RBFOX1: variants seen among roughly 807,000 people sequenced by gnomAD.
RBFOX1 encodes RNA binding protein fox-1 homolog 1.
RBFOX1 carries 8 observed loss-of-function variants against 57.7 expected under a neutral mutation model. That is an observed-to-expected ratio of 0.14 (90% confidence interval 0.08 to 0.25). The LOEUF is 0.25. Among genes scored for constraint, RBFOX1 ranks in the 10% least tolerant of loss-of-function variants. The pLI is 1.00. For missense variants in RBFOX1, 611 were observed against 548.5 expected (o/e 1.11, Z -1.14); for synonymous variants, 326 against 222.4 (o/e 1.47, Z -4.15).
At chr16:6,743,356 C>T (rs947020591) in intron 3 of RBFOX1, among the ~76,000 whole-genome samples, 3 of 152,100 alleles carry the variant, frequency 2.0e-5, no homozygotes, top group African/African-American at 7.2e-5. Context: ...TCTAAATATA[C>T]TCAGTTCAAA....
chr16:7,146,959 TA>T (rs1357767271), intron 4 of RBFOX1, among the ~76,000 whole-genome samples: 1 of 43,382 alleles, frequency 2.3e-5, no homozygotes, highest in Non-Finnish European at 4.4e-5. Context: ...AAAATAATGA[TA>T]AAAAAGAACA....
intron 2 of RBFOX1, among the ~76,000 whole-genome samples, chr16:6,458,418 T>C (rs1011189250): frequency 1.2e-4 from 19 of 152,208 alleles, no homozygotes; most frequent in East Asian, 5.8e-4. Flanking sequence ...ACCAGACTCA[T>C]TGATTTATTA....
intron 4 of RBFOX1, among the ~76,000 whole-genome samples, chr16:5,910,418 G>C (rs981476818): frequency 2.0e-5 from 3 of 152,210 alleles, no homozygotes; most frequent in African/African-American, 2.4e-5. Context: ...GCTTATGGGA[G>C]GTTCAATTCA....
intron 2 of RBFOX1, among the ~76,000 whole-genome samples, chr16:5,534,740 C>G (rs930104879): frequency 1.1e-4 from 16 of 152,156 alleles, no homozygotes; most frequent in Non-Finnish European, 2.2e-4. Flanking sequence ...CCTTCACAGA[C>G]ACACCCAGAA....
At chr16:7,413,748 G>C (rs558573991) in intron 4 of RBFOX1, among the ~76,000 whole-genome samples, 1 of 152,216 alleles carries the variant, frequency 6.6e-6, no homozygotes, top group South Asian at 2.1e-4. Context: ...TGGTTTAAGA[G>C]CTCAGTTTAA....
intron 3 of RBFOX1, among the ~76,000 whole-genome samples, chr16:6,800,543 A>G (rs2085164746): frequency 6.6e-6 from 1 of 152,102 alleles, no homozygotes; most frequent in African/African-American, 2.4e-5. Flanking sequence ...CGTGCACGCT[A>G]CACTTTAAGT....
chr16:5,278,192 G>T (rs1372987264), intron 1 of RBFOX1, among the ~76,000 whole-genome samples: 3 of 152,170 alleles, frequency 2.0e-5, no homozygotes, highest in African/African-American at 7.2e-5. Context: ...TTTAATAATA[G>T]CCATTCTAAC....
At chr16:7,039,311 C>G (rs1024699825) in intron 3 of RBFOX1, among the ~76,000 whole-genome samples, 2 of 152,182 alleles carry the variant, frequency 1.3e-5, no homozygotes, top group African/African-American at 4.8e-5. Flanking sequence ...TCCCTTGACC[C>G]TCCAAAGCTG....
At chr16:5,301,064 A>G (rs979501925) in intron 1 of RBFOX1, among the ~76,000 whole-genome samples, 37 of 152,226 alleles carry the variant, frequency 2.4e-4, no homozygotes, top group African/African-American at 8.9e-4. Flanking sequence ...TTCATGTGTG[A>G]ACTAAATCTA....
intron 3 of RBFOX1, among the ~76,000 whole-genome samples, chr16:6,941,856 G>T (rs1015093361): frequency 2.6e-5 from 4 of 152,006 alleles, no homozygotes; most frequent in Admixed American, 1.3e-4. Flanking sequence ...TTCCCATCTG[G>T]AGTGCAGTAA....
intron 4 of RBFOX1, among the ~76,000 whole-genome samples, chr16:7,123,567 AT>A (rs1567347696): frequency 6.6e-6 from 1 of 151,928 alleles, no homozygotes; most frequent in Non-Finnish European, 1.5e-5. Flanking sequence ...GTTTTGACAT[AT>A]TGTCCAGGTT....
At chr16:6,736,218 G>C (rs1411078429) in intron 3 of RBFOX1, among the ~76,000 whole-genome samples, 1 of 151,884 alleles carries the variant, frequency 6.6e-6, no homozygotes, top group African/African-American at 2.4e-5. Flanking sequence ...GGTACAGTTG[G>C]TATTTGCATA....
rs540865749 is a variant in RBFOX1 at position 6,941,874 on chromosome 16, C to G, written c.-15-110183C>G. Among the ~76,000 whole-genome samples, 4 of 152,176 alleles carry G rather than the reference C, an allele frequency of 2.6e-5. No homozygotes were observed. In the South Asian group the frequency reaches 6.2e-4, roughly 24 times the overall value. ...CCATCTGGAGTGCAGTAAGTGCAATCATAACTCACTGTAGCTTCAAATGCC... is the reference window on the plus strand; with the variant it reads ...CCATCTGGAGTGCAGTAAGTGCAATGATAACTCACTGTAGCTTCAAATGCC... On this transcript the variant is annotated intron_variant, in intron 3 of 15. Coordinates refer to ENST00000550418, the MANE Select transcript of RBFOX1 (RefSeq NM_018723.4).
intron 5 of RBFOX1, among the ~76,000 whole-genome samples, chr16:7,549,450 A>T (rs1366241759): frequency 1.3e-5 from 2 of 152,216 alleles, no homozygotes. Context: ...CAGAACTAAT[A>T]GGATAGATGT....
At chr16:6,941,300 CTCCT>C (rs57110590) in intron 3 of RBFOX1, among the ~76,000 whole-genome samples, 7,961 of 78,972 alleles carry the variant, frequency 0.1, 448 homozygotes, top group East Asian at 0.12. Context: ...CCCTCCCTCC[CTCCT>C]TCCTTCCTTC....
At position 7,709,143 on chromosome 16, in the gene RBFOX1, T is replaced by C. The variant is rs2083440423; in HGVS notation, c.1071+12T>C. 1.2e-6 allele frequency: 2 copies of C among 1,603,206 alleles called. No individual in the cohort carries two copies. The highest frequency in any genetic ancestry group is 8.5e-7 in the Non-Finnish European group (1 of 1,170,672). ...GCGTTGGTGCCATGGTGAGTACAAG[T>C]TTCTCCTTGTCCTCACTTCCTCCTG... On this transcript the variant is annotated intron_variant, in intron 15 of 15. Transcript: ENST00000550418.
intron 10 of RBFOX1, among the ~76,000 whole-genome samples, chr16:7,616,414 G>T (rs1183240581): frequency 6.6e-6 from 1 of 152,208 alleles, no homozygotes; most frequent in East Asian, 1.9e-4. Flanking sequence ...TACTCACATA[G>T]GCAAGCTGCA....
chr16:5,856,174 T>G lies in RBFOX1; in HGVS notation c.319-11129T>G, dbSNP rs1471278163. On this transcript the variant is annotated intron_variant, in intron 3 of 19. Coordinates refer to the RBFOX1 transcript ENST00000641259. The stretch of plus-strand genomic sequence containing the variant: ...GGTTCTCTCTCTCTCTCTCTCTCTC[T>G]CTCTCTCTCTCTCTATATATATATA... Among the ~76,000 whole-genome samples the G allele has an allele frequency of 7.9e-5, 5 of 63,538 alleles. No individual in the cohort carries two copies. In the East Asian group the frequency reaches 1.9e-3, roughly 24 times the overall value. The allele number at this position is 63,538 out of a possible 152,430, so 41.7% of individuals were successfully genotyped here.
intron 4 of RBFOX1, among the ~76,000 whole-genome samples, chr16:7,203,709 T>C (rs1323586538): frequency 6.6e-6 from 1 of 152,058 alleles, no homozygotes; most frequent in Admixed American, 6.5e-5. Context: ...ACATGGTCTC[T>C]TCCATTTCTC....
Sources: gnomAD v4.1 joint callset for allele counts (sites outside exome capture counted in the v4.1 genomes callset) on GRCh38, gnomAD v4.1.1 for gene constraint, MANE v1.5 for transcripts, NCBI Gene and HGNC (gene_info 2026-07-23, HGNC 2026-07-21) for gene names.